RBFOX1: variants seen among roughly 807,000 people sequenced by gnomAD.
RBFOX1 encodes the protein RNA binding fox-1 homolog 1, also known as RNA binding protein fox-1 homolog 1.
In RBFOX1, 8 loss-of-function variants were observed where a neutral mutation model predicts 57.7. The observed-to-expected ratio is 0.14, with a 90% CI of 0.08 to 0.25. The LOEUF (loss-of-function observed/expected upper bound fraction) is 0.25. Among genes scored for constraint, RBFOX1 ranks in the 10% least tolerant of loss-of-function variants. The pLI is 1.00. For synonymous variants in RBFOX1, 326 were observed against 222.4 expected (o/e 1.47, Z -4.15); for missense variants, 611 against 548.5 (o/e 1.11, Z -1.14).
chr16:7,707,308 C>T (rs1184577102), intron 14 of RBFOX1, among the ~76,000 whole-genome samples: 1 of 152,088 alleles, frequency 6.6e-6, no homozygotes, highest in Non-Finnish European at 1.5e-5. Context: ...TTCACCTTCT[C>T]AGACTCCATG....
At chr16:5,353,185 C>A (rs2065302762) in intron 1 of RBFOX1, among the ~76,000 whole-genome samples, 1 of 151,944 alleles carries the variant, frequency 6.6e-6, no homozygotes, top group African/African-American at 2.4e-5. Flanking sequence ...ATCAGCCTGG[C>A]CAACATGGTG....
At chr16:5,891,616 T>G (rs1597663333) in intron 4 of RBFOX1, among the ~76,000 whole-genome samples, 1 of 151,810 alleles carries the variant, frequency 6.6e-6, no homozygotes, top group Admixed American at 6.6e-5. Flanking sequence ...TACAGCTGGG[T>G]GAGGGTGCAC....
intron 3 of RBFOX1, among the ~76,000 whole-genome samples, chr16:7,006,603 C>T (rs535368810): frequency 6.6e-6 from 1 of 152,046 alleles, no homozygotes; most frequent in South Asian, 2.1e-4. Context: ...TTGGGAACCA[C>T]CACACCTGGC....
intron 3 of RBFOX1, among the ~76,000 whole-genome samples, chr16:5,744,892 C>A (rs1192542700): frequency 6.6e-6 from 1 of 152,140 alleles, no homozygotes; most frequent in South Asian, 2.1e-4. Flanking sequence ...TCTCTCCGAC[C>A]GCCCAAAGTA....
At chr16:6,969,838 G>C (rs2085127843) in intron 3 of RBFOX1, among the ~76,000 whole-genome samples, 1 of 152,122 alleles carries the variant, frequency 6.6e-6, no homozygotes, top group African/African-American at 2.4e-5. Flanking sequence ...CCCTAATTCT[G>C]AGTGTCAGCC....
chr16:5,689,618 C>G (rs190399925), intron 3 of RBFOX1, among the ~76,000 whole-genome samples: 5 of 152,244 alleles, frequency 3.3e-5, no homozygotes, highest in Non-Finnish European at 7.4e-5. Context: ...GGAGACCTAT[C>G]AGGACAAAGC....
intron 3 of RBFOX1, among the ~76,000 whole-genome samples, chr16:6,991,775 A>G (rs1347219027): frequency 2.0e-5 from 3 of 152,076 alleles, no homozygotes; most frequent in Admixed American, 2.0e-4. Context: ...GAGCCCAAGC[A>G]ATCTGCCTGC....
intron 1 of RBFOX1, among the ~76,000 whole-genome samples, chr16:5,360,011 G>C (rs79729348): frequency 3.3e-5 from 5 of 152,162 alleles, no homozygotes; most frequent in African/African-American, 1.2e-4. Flanking sequence ...TACATTGAAG[G>C]TTAGTAAGAT....
At chr16:7,027,988 A>G (rs541971903) in intron 3 of RBFOX1, among the ~76,000 whole-genome samples, 5 of 152,158 alleles carry the variant, frequency 3.3e-5, no homozygotes, top group Admixed American at 1.3e-4. Flanking sequence ...GAAGGACGAA[A>G]GGCAAGAAGG....
chr16:5,534,082 C>A (rs1024027883), intron 2 of RBFOX1, among the ~76,000 whole-genome samples: 11 of 152,078 alleles, frequency 7.2e-5, no homozygotes, highest in African/African-American at 2.7e-4. Context: ...CTGCCACCTG[C>A]CAGTTGCTGC....
At chr16:6,652,332 C>G (rs1299983830) in intron 2 of RBFOX1, among the ~76,000 whole-genome samples, 2 of 152,034 alleles carry the variant, frequency 1.3e-5, no homozygotes, top group Non-Finnish European at 2.9e-5. Context: ...TCGGTAGTCC[C>G]AGCTACTCGG....
chr16:5,711,177 G>C (rs985042324), intron 3 of RBFOX1, among the ~76,000 whole-genome samples: 2 of 152,188 alleles, frequency 1.3e-5, no homozygotes, highest in Non-Finnish European at 2.9e-5. Context: ...CACTTATATA[G>C]CACTTGCCCT....
intron 15 of RBFOX1, chr16:7,710,114 A>G (rs1428465828): frequency 6.0e-6 from 6 of 1,006,448 alleles, no homozygotes; most frequent in Admixed American, 6.0e-5. Flanking sequence ...TACATCAAGC[A>G]ATTCATCTGT....
chr16:7,023,669 C>T lies in RBFOX1; in HGVS notation c.-15-28388C>T, dbSNP rs373221908. Among the ~76,000 whole-genome samples, 3 of 150,898 alleles carry T rather than the reference C, an allele frequency of 2.0e-5. No homozygotes were observed. In the South Asian group the frequency reaches 6.3e-4, roughly 32 times the overall value. On this transcript the variant is annotated intron_variant, in intron 3 of 15. Coordinates refer to ENST00000550418, the MANE Select transcript of RBFOX1 (RefSeq NM_018723.4). Reference sequence around the variant, plus strand: ...CCAGTATACCTTGGAACTCCTCTGCCTAGGTTATCTCCCTTGTCTTAAATC... The same window carrying T: ...CCAGTATACCTTGGAACTCCTCTGCTTAGGTTATCTCCCTTGTCTTAAATC...
At chr16:6,992,107 G>A (rs2091567443) in intron 3 of RBFOX1, among the ~76,000 whole-genome samples, 1 of 152,064 alleles carries the variant, frequency 6.6e-6, no homozygotes, top group South Asian at 2.1e-4. Context: ...GAGAACGGGT[G>A]TAGCTGTCTC....
At chr16:6,559,624 A>G (rs988750232) in intron 2 of RBFOX1, among the ~76,000 whole-genome samples, 1 of 34,238 alleles carries the variant, frequency 2.9e-5, no homozygotes, top group African/African-American at 4.2e-5. Flanking sequence ...ACATACATAC[A>G]TGTATACACA....
intron 3 of RBFOX1, among the ~76,000 whole-genome samples, chr16:6,663,739 T>C (rs1409775673): frequency 6.6e-6 from 1 of 152,212 alleles, no homozygotes; most frequent in Non-Finnish European, 1.5e-5. Context: ...CCAAAATTCC[T>C]GGAATCTTTG....
chr16:6,623,486 C>T (rs1248496418), intron 2 of RBFOX1, among the ~76,000 whole-genome samples: 1 of 151,108 alleles, frequency 6.6e-6, no homozygotes, highest in Non-Finnish European at 1.5e-5. Flanking sequence ...GGTACATGTG[C>T]ACAATGTGCA....
At chr16:5,456,072 A>G (rs1188082098) in intron 1 of RBFOX1, among the ~76,000 whole-genome samples, 1 of 152,182 alleles carries the variant, frequency 6.6e-6, no homozygotes, top group Non-Finnish European at 1.5e-5. Flanking sequence ...AAGAAGAAAT[A>G]AAGACAACTA....
Sources: allele counts gnomAD v4.1 joint callset (sites outside exome capture counted in the v4.1 genomes callset), GRCh38; gene constraint gnomAD v4.1.1; transcripts MANE v1.5; gene names NCBI Gene and HGNC (gene_info 2026-07-23, HGNC 2026-07-21).